The following ZSCAN25 variants were observed in gnomAD, a reference collection of about 807,000 sequenced individuals.
ZSCAN25 encodes the protein zinc finger and SCAN domain-containing protein 25.
ZSCAN25 carries 27 observed loss-of-function variants against 38.7 expected under a neutral mutation model. The observed-to-expected ratio is 0.70, with a 90% CI of 0.51 to 0.96. The LOEUF (loss-of-function observed/expected upper bound fraction) is 0.96. ZSCAN25 is among the 40% of genes least tolerant of loss of function. ZSCAN25 has a pLI of 0.00. For synonymous variants in ZSCAN25, 273 were observed against 277.7 expected, an observed-to-expected ratio of 0.98 and a Z score of 0.17; for missense variants, 637 against 705.9, an observed-to-expected ratio of 0.90 and a Z score of 1.11.
At chr7:99,682,988 G>A in the ZSCAN25 span, among the ~76,000 whole-genome samples, 74 of 152,164 alleles carry the variant, frequency 4.9e-4, no homozygotes, top group African/African-American at 1.5e-3. Flanking sequence ...TACTGAATTT[G>A]TTTATCAGAT....
the ZSCAN25 span, chr7:99,710,612 A>G: frequency 6.5e-6 from 10 of 1,546,204 alleles, no homozygotes; most frequent in Non-Finnish European, 8.7e-6. Flanking sequence ...GCCTTCCTAC[A>G]TATTGTGAAT....
chr7:99,668,132 G>C, the ZSCAN25 span, among the ~76,000 whole-genome samples: 2,573 of 152,260 alleles, frequency 0.017, 48 homozygotes, highest in Non-Finnish European at 0.025. Flanking sequence ...ACATTTCTAT[G>C]TAACAATAAT....
chr7:99,726,857 G>A, the ZSCAN25 span, among the ~76,000 whole-genome samples: 495 of 152,170 alleles, frequency 3.3e-3, 1 homozygote, highest in African/African-American at 0.012. Flanking sequence ...CATCCGTTAC[G>A]TACCTCAGCA....
chr7:99,619,909 G>C lies in ZSCAN25; in HGVS notation c.303G>C (p.Trp101Cys). ...LTILPREFYA[W>C]IREHGPESGK... is the part of the protein sequence containing the mutation. ...TCCTGCCCCGCGAGTTCTACGCCTG[G>C]ATCCGGGAGCATGGCCCAGAGAGTG... Residue 101 changes from tryptophan to cysteine, a missense_variant, in exon 4 of 8, where the codon TGG (tryptophan) becomes TGC (cysteine). By Grantham distance (215) the Trp-to-Cys change is radical. Transcript: ENST00000394152. 6.2e-7 allele frequency: 1 copy of C among 1,614,250 alleles called. No homozygotes were observed. The highest frequency in any genetic ancestry group is 8.5e-7 in the Non-Finnish European group (1 of 1,180,056).
the ZSCAN25 span, among the ~76,000 whole-genome samples, chr7:99,640,379 A>C: frequency 2.6e-5 from 4 of 152,100 alleles, no homozygotes; most frequent in South Asian, 4.2e-4. Flanking sequence ...GCTGGTCTTG[A>C]ACTCCTGAGC....
chr7:99,629,831 C>G lies in ZSCAN25; in HGVS notation c.1446C>G (p.Gly482=). The G allele has an allele frequency of 6.2e-7, 1 of 1,614,130 alleles. No individual in the cohort carries two copies. The highest frequency in any genetic ancestry group is 1.3e-5 in the African/African-American group (1 of 75,050). The change falls in exon 8 of 8, where the codon GGC becomes GGG. Residue 482 remains glycine (G), a synonymous_variant. Coordinates refer to ENST00000394152, the MANE Select transcript of ZSCAN25 (RefSeq NM_145115.3). The surrounding 1 kb of genome is among the most constrained non-coding windows in gnomAD (Gnocchi z 5.6). ...CGGTGCACCGGCGTGCCCACACTGGCGAGAAGCCATATGGGTGCCAGGTGT... is the reference window on the plus strand; with the variant it reads ...CGGTGCACCGGCGTGCCCACACTGGGGAGAAGCCATATGGGTGCCAGGTGT... The part of the protein sequence containing the change: ...NLAVHRRAHT[G]EKPYGCQVCG...
At chr7:99,639,469 C>G in the ZSCAN25 span, among the ~76,000 whole-genome samples, 22 of 152,182 alleles carry the variant, frequency 1.4e-4, no homozygotes, top group African/African-American at 5.3e-4. Context: ...TGGAGGCACC[C>G]TGGCTCCAGC....
chr7:99,671,911 A>G, the ZSCAN25 span: 1 of 695,692 alleles, frequency 1.4e-6, no homozygotes, highest in Non-Finnish European at 2.6e-6. Context: ...AGAACTACCC[A>G]CACACATAAA....
At chr7:99,695,837 T>C in the ZSCAN25 span, 2 of 1,613,438 alleles carry the variant, frequency 1.2e-6, no homozygotes, top group African/African-American at 1.3e-5. Flanking sequence ...ATGGGCTCCA[T>C]ATCTACAAAC....
At chr7:99,697,392 C>T in the ZSCAN25 span, among the ~76,000 whole-genome samples, 2,846 of 152,268 alleles carry the variant, frequency 0.019, 38 homozygotes, top group Non-Finnish European at 0.029. Context: ...CAGCCATCAA[C>T]TCAACCGTGA....
the ZSCAN25 span, chr7:99,735,113 C>G: frequency 6.2e-7 from 1 of 1,613,800 alleles, no homozygotes; most frequent in Non-Finnish European, 8.5e-7. Context: ...CCTTCCTTAT[C>G]TCTCTCCTCT....
the ZSCAN25 span, chr7:99,650,017 A>G: frequency 2.5e-6 from 4 of 1,591,250 alleles, no homozygotes; most frequent in Non-Finnish European, 3.4e-6. Context: ...CTTTTAAAAA[A>G]TATATACCCT....
chr7:99,711,990 A>G, the ZSCAN25 span, among the ~76,000 whole-genome samples: 2 of 152,190 alleles, frequency 1.3e-5, no homozygotes, highest in East Asian at 3.8e-4. Flanking sequence ...GCAACTGAAG[A>G]TGGACAAAAA....
Position 99,624,148 on chromosome 7 carries a change from A to G in ZSCAN25, c.773A>G (p.Tyr258Cys), listed in dbSNP as rs1176883550. Residue 258 changes from tyrosine (Y) to cysteine (C), a missense_variant, in exon 7 of 8, where the codon TAT becomes TGT. Physicochemically the swap from Tyr to Cys is radical, Grantham distance 194. Transcript: ENST00000394152. The part of the protein sequence containing the change: ...TPAQIDCFGE[Y>C]VEPQDCRVSP... ...GCCCAGATAGACTGCTTTGGGGAGT[A>G]TGTGGAACCGCAGGACTGCAGGGTC... The G allele has an allele frequency of 6.2e-7, 1 of 1,613,978 alleles. No homozygotes were observed. The highest frequency in any genetic ancestry group is 8.5e-7 in the Non-Finnish European group (1 of 1,179,962).
the ZSCAN25 span, among the ~76,000 whole-genome samples, chr7:99,640,757 C>G: frequency 6.6e-6 from 1 of 152,120 alleles, no homozygotes; most frequent in Non-Finnish European, 1.5e-5. Context: ...TAAAAAAACT[C>G]CATAAAAATT....
the ZSCAN25 span, among the ~76,000 whole-genome samples, chr7:99,679,551 G>A: frequency 5.9e-5 from 9 of 152,212 alleles, no homozygotes; most frequent in African/African-American, 2.2e-4. Context: ...ATTAGTCTTC[G>A]TCAGATCTAA....
chr7:99,630,007 C>A lies in ZSCAN25; in HGVS notation c.1622C>A (p.Pro541Gln). The change falls in exon 8 of 8, where the codon CCG becomes CAG. Residue 541 changes from proline to glutamine, a missense_variant. By Grantham distance (76) the Pro-to-Gln change is moderately conservative. Transcript: ENST00000394152. ...RHQKTQHRQE[P>Q]LVQ Reference sequence around the variant, plus strand: ...CAGAAGACCCAGCACCGCCAGGAGCCGCTGGTGCAGTGAGCATAGCAGGTG... The same window carrying A: ...CAGAAGACCCAGCACCGCCAGGAGCAGCTGGTGCAGTGAGCATAGCAGGTG... 4.5e-6 allele frequency: 7 copies of A among 1,564,924 alleles called. No homozygotes were observed. The South Asian group carries it at 7.1e-5, about 16-fold the overall frequency.
the ZSCAN25 span, chr7:99,666,608 A>G: frequency 1.9e-6 from 3 of 1,613,722 alleles, no homozygotes; most frequent in Non-Finnish European, 2.5e-6. Flanking sequence ...TACTCTTTCA[A>G]GGTGACAGGC....
the ZSCAN25 span, among the ~76,000 whole-genome samples, chr7:99,680,793 C>T: frequency 2.0e-5 from 3 of 152,170 alleles, no homozygotes; most frequent in Admixed American, 6.5e-5. Flanking sequence ...TCATGTTCTG[C>T]CACTTAATTC....
Sources: gnomAD v4.1 joint callset for allele counts (sites outside exome capture counted in the v4.1 genomes callset) on GRCh38, gnomAD v4.1.1 for gene constraint, Gnocchi (gnomAD v3.1) non-coding constraint, MANE v1.5 for transcripts, NCBI Gene and HGNC (gene_info 2026-07-23, HGNC 2026-07-21) for gene names.